MACROD2: variants seen among roughly 807,000 people sequenced by gnomAD.
The protein encoded by MACROD2 is mono-ADP ribosylhydrolase 2.
In MACROD2, 36 loss-of-function variants were observed where a neutral mutation model predicts 70.4. That is an observed-to-expected ratio of 0.51 (90% CI 0.39 to 0.68). The LOEUF (loss-of-function observed/expected upper bound fraction) is 0.68, where lower values mean the gene tolerates loss of function less well. Among genes scored for constraint, MACROD2 ranks in the 30% least tolerant of loss-of-function variants. The pLI is 0.00. For missense variants in MACROD2, 496 were observed against 538.4 expected (o/e 0.92, Z 0.78); for synonymous variants, 172 against 178.8 (o/e 0.96, Z 0.30).
At chr20:15,909,405 T>C (rs1474502852) in intron 10 of MACROD2, among the ~76,000 whole-genome samples, 1 of 152,112 alleles carries the variant, frequency 6.6e-6, no homozygotes, top group Non-Finnish European at 1.5e-5. Flanking sequence ...AGAATGTCAA[T>C]GTCACATTGT....
chr20:15,579,362 T>G (rs529377114), intron 8 of MACROD2, among the ~76,000 whole-genome samples: 5 of 152,360 alleles, frequency 3.3e-5, no homozygotes, highest in East Asian at 1.9e-4. Context: ...GACCTTTTTT[T>G]GGGTAGTGAC....
At chr20:14,182,559 G>A (rs1308448931) in intron 3 of MACROD2, among the ~76,000 whole-genome samples, 1 of 152,052 alleles carries the variant, frequency 6.6e-6, no homozygotes, top group South Asian at 2.1e-4. Context: ...CTAATTCAGG[G>A]TTATGAATAT....
At chr20:15,433,531 G>A (rs560292696) in intron 7 of MACROD2, among the ~76,000 whole-genome samples, 2 of 142,616 alleles carry the variant, frequency 1.4e-5, no homozygotes, top group Non-Finnish European at 3.0e-5. Context: ...ATCTCTACAA[G>A]ACAAACTATG....
intron 5 of MACROD2, among the ~76,000 whole-genome samples, chr20:15,186,878 A>G (rs889237889): frequency 2.0e-5 from 3 of 152,204 alleles, no homozygotes; most frequent in African/African-American, 7.2e-5. Flanking sequence ...GCTAGCTATT[A>G]AAACTTCAAC....
At chr20:15,341,867 A>G (rs937192508) in intron 6 of MACROD2, among the ~76,000 whole-genome samples, 1 of 152,214 alleles carries the variant, frequency 6.6e-6, no homozygotes, top group African/African-American at 2.4e-5. Flanking sequence ...CCTAGACAAC[A>G]TGGCAACAAC....
chr20:14,051,990 T>C (rs1389488416), intron 2 of MACROD2: 1 of 504,990 alleles, frequency 2.0e-6, no homozygotes, highest in Admixed American at 2.0e-5. Flanking sequence ...GATCCTTGCC[T>C]GGAACAAGTT....
At chr20:15,181,786 T>A (rs973245945) in intron 5 of MACROD2, among the ~76,000 whole-genome samples, 2 of 152,206 alleles carry the variant, frequency 1.3e-5, no homozygotes, top group Non-Finnish European at 2.9e-5. Flanking sequence ...TCTCACCATG[T>A]CCATCCCTTG....
intron 7 of MACROD2, among the ~76,000 whole-genome samples, chr20:15,436,215 C>T (rs752189857): frequency 6.6e-6 from 1 of 151,886 alleles, no homozygotes; most frequent in Non-Finnish European, 1.5e-5. Context: ...AAAGAAATAC[C>T]TGAGACTCCG....
At chr20:14,967,063 A>G (rs899722309) in intron 5 of MACROD2, among the ~76,000 whole-genome samples, 1 of 152,178 alleles carries the variant, frequency 6.6e-6, no homozygotes, top group Non-Finnish European at 1.5e-5. Flanking sequence ...TTTAATTTGC[A>G]TTTCCTTGAA....
intron 3 of MACROD2, among the ~76,000 whole-genome samples, chr20:14,283,156 A>G (rs1268247957): frequency 6.6e-6 from 1 of 152,186 alleles, no homozygotes; most frequent in African/African-American, 2.4e-5. Flanking sequence ...CTTGGGATAT[A>G]CTATGATTAA....
At chr20:15,509,373 T>C (rs1310326389) in intron 8 of MACROD2, among the ~76,000 whole-genome samples, 1 of 152,160 alleles carries the variant, frequency 6.6e-6, no homozygotes, top group East Asian at 1.9e-4. Flanking sequence ...AGAAATAGCA[T>C]GAGACAGGTG....
chr20:15,429,538 G>C (rs191571325), intron 6 of MACROD2, among the ~76,000 whole-genome samples: 114 of 152,054 alleles, frequency 7.5e-4, no homozygotes, highest in Non-Finnish European at 1.4e-3. Context: ...GTTTTTAATA[G>C]AGCATCATGC....
chr20:14,591,363 CA>C (rs1488088267), intron 4 of MACROD2, among the ~76,000 whole-genome samples: 1 of 152,152 alleles, frequency 6.6e-6, no homozygotes, highest in Non-Finnish European at 1.5e-5. Context: ...TATTATATAT[CA>C]ACTTTATTTG....
chr20:16,046,142 C>T (rs2067377572), intron 17 of MACROD2, among the ~76,000 whole-genome samples: 1 of 152,106 alleles, frequency 6.6e-6, no homozygotes, highest in Admixed American at 6.6e-5. Context: ...AGAGGCTTGG[C>T]TTTACCACTC....
chr20:15,212,953 C>T (rs2076776841), intron 5 of MACROD2, among the ~76,000 whole-genome samples: 1 of 152,156 alleles, frequency 6.6e-6, no homozygotes, highest in Non-Finnish European at 1.5e-5. Flanking sequence ...TTTTGTTTTA[C>T]CAGAACCTTT....
chr20:16,033,037 G>A (rs1338652394), intron 15 of MACROD2, among the ~76,000 whole-genome samples: 2 of 151,960 alleles, frequency 1.3e-5, no homozygotes, highest in Non-Finnish European at 1.5e-5. Context: ...AATTATTCTT[G>A]GCACTTGTTA....
chr20:15,852,644 C>T (rs1051083577), intron 8 of MACROD2, among the ~76,000 whole-genome samples: 1 of 152,162 alleles, frequency 6.6e-6, no homozygotes, highest in Non-Finnish European at 1.5e-5. Context: ...ATACGGACTC[C>T]TATGGGGTCT....
intron 6 of MACROD2, among the ~76,000 whole-genome samples, chr20:15,292,692 C>T (rs958929977): frequency 6.6e-6 from 1 of 152,128 alleles, no homozygotes; most frequent in African/African-American, 2.4e-5. Flanking sequence ...TCTAGCTATA[C>T]AATTAGCTAC....
At chr20:14,102,021 T>TTA in intron 3 of MACROD2, among the ~76,000 whole-genome samples, 1 of 68,912 alleles carries the variant, frequency 1.5e-5, no homozygotes, top group Admixed American at 1.7e-4. Context: ...TTTTTTTTTT[T>TTA]AAGACGGAGT....
Sources: allele counts gnomAD v4.1 joint callset (sites outside exome capture counted in the v4.1 genomes callset), GRCh38; gene constraint gnomAD v4.1.1; transcripts MANE v1.5; gene names NCBI Gene and HGNC (gene_info 2026-07-23, HGNC 2026-07-21).